Variants in NTN1 observed in about 807,000 individuals in gnomAD.
NTN1 encodes the protein netrin 1, also known as netrin-1.
NTN1 carries 11 observed loss-of-function variants against 54.2 expected under a neutral mutation model. That is an observed-to-expected ratio of 0.20 (90% confidence interval 0.13 to 0.34). The LOEUF (loss-of-function observed/expected upper bound fraction) is 0.34. NTN1 is among the 10% of genes least tolerant of loss of function. NTN1 has a pLI of 1.00. For missense variants in NTN1, 740 were observed against 893.1 expected, an observed-to-expected ratio of 0.83 and a Z score of 2.18; for synonymous variants, 371 against 382.0, an observed-to-expected ratio of 0.97 and a Z score of 0.33.
chr17:9,175,921 G>T (rs2092398885), intron 3 of NTN1: 1 of 152,182 alleles, frequency 6.6e-6, no homozygotes, highest in Non-Finnish European at 1.5e-5. Context: ...CTTGCACACG[G>T]GGTGACCTGC....
chr17:9,155,878 C>T (rs996039694), intron 2 of NTN1, among the ~76,000 whole-genome samples: 1 of 152,142 alleles, frequency 6.6e-6, no homozygotes, highest in Admixed American at 6.5e-5. Flanking sequence ...ACAGCCCCTC[C>T]CTCCCCAGTC....
At position 9,215,460 on chromosome 17, in the gene NTN1, T is replaced by C. The variant is rs141977909; in HGVS notation, c.1412-5708T>C. Among the ~76,000 whole-genome samples the C allele has an allele frequency of 7.7e-3, 1,171 of 152,370 alleles. 11 individuals are homozygous for C. Among genetic ancestry groups the C allele is most frequent in the Middle Eastern group, 0.017 (5 of 294 alleles). ...CAGAGATATCAATCACATCACCTTG[T>C]GTTTATGCCATCACTTTCCCCTGTA... is the stretch of plus-strand genomic sequence containing the variant. On this transcript the variant is annotated intron_variant, in intron 5 of 6. Transcript: ENST00000173229.
chr17:9,060,098 C>T (rs1468113656), intron 2 of NTN1, among the ~76,000 whole-genome samples: 1 of 151,978 alleles, frequency 6.6e-6, no homozygotes, highest in Middle Eastern at 3.2e-3. Flanking sequence ...TACAGTTGGC[C>T]CTCGAACAAC....
intron 2 of NTN1, among the ~76,000 whole-genome samples, chr17:9,061,765 G>A (rs558215767): frequency 5.3e-5 from 8 of 152,170 alleles, no homozygotes; most frequent in African/African-American, 1.9e-4. Flanking sequence ...GTCCAGTGGC[G>A]TGGTCTTGGC....
chr17:9,148,209 A>G (rs946945404), intron 2 of NTN1, among the ~76,000 whole-genome samples: 3 of 152,162 alleles, frequency 2.0e-5, no homozygotes, highest in African/African-American at 7.2e-5. Flanking sequence ...CCTTCTCACA[A>G]ATCTCCACGT....
chr17:9,048,384 T>C (rs1467860816), intron 2 of NTN1, among the ~76,000 whole-genome samples: 1 of 152,102 alleles, frequency 6.6e-6, no homozygotes, highest in East Asian at 1.9e-4. Flanking sequence ...CACCATGCTG[T>C]AAACAGATTT....
At chr17:9,220,491 G>T (rs1259500773) in intron 5 of NTN1, among the ~76,000 whole-genome samples, 1 of 152,102 alleles carries the variant, frequency 6.6e-6, no homozygotes, top group Non-Finnish European at 1.5e-5. Context: ...AGGCCCAAGG[G>T]CTGGCAGGCC....
chr17:9,183,000 G>T (rs751887377), intron 5 of NTN1, 31 bp downstream of exon 5: 1 of 1,610,802 alleles, frequency 6.2e-7, no homozygotes, highest in Non-Finnish European at 8.5e-7. Flanking sequence ...CTCATTTCCC[G>T]CTTTTGCTGG....
At chr17:9,138,063 G>A (rs938884889) in intron 2 of NTN1, among the ~76,000 whole-genome samples, 9 of 152,230 alleles carry the variant, frequency 5.9e-5, no homozygotes, top group Non-Finnish European at 1.0e-4. Context: ...TGAGGTGAGA[G>A]CGGGCCTCTG....
At chr17:9,028,528 T>G (rs895191183) in intron 2 of NTN1, among the ~76,000 whole-genome samples, 3 of 152,160 alleles carry the variant, frequency 2.0e-5, no homozygotes, top group Admixed American at 2.0e-4. Flanking sequence ...CCCAGTTTTC[T>G]CTCTGACCTC....
At chr17:9,183,556 A>G in intron 5 of NTN1, 1 of 324,938 alleles carries the variant, frequency 3.1e-6, no homozygotes, top group South Asian at 2.6e-5. Context: ...TAGCTGGTGC[A>G]GATATCATAA....
intron 2 of NTN1, among the ~76,000 whole-genome samples, chr17:9,097,664 A>G (rs1053870043): frequency 5.3e-5 from 8 of 152,072 alleles, no homozygotes; most frequent in East Asian, 1.9e-4. Flanking sequence ...CAAACAGACA[A>G]ACAACAAAAA....
intron 2 of NTN1, among the ~76,000 whole-genome samples, chr17:9,026,349 A>G (rs1333252005): frequency 2.0e-5 from 3 of 151,066 alleles, no homozygotes; most frequent in Non-Finnish European, 4.4e-5. Flanking sequence ...GTGAACGTTC[A>G]TAAAGCCCAG....
At chr17:9,096,366 C>CTTTTTT (rs1555567412) in intron 2 of NTN1, among the ~76,000 whole-genome samples, 8 of 91,544 alleles carry the variant, frequency 8.7e-5, no homozygotes, top group South Asian at 4.2e-4. Flanking sequence ...TATGGGTAGA[C>CTTTTTT]TTTTTTTTTT....
intron 5 of NTN1, among the ~76,000 whole-genome samples, chr17:9,190,401 G>C (rs1422040713): frequency 6.6e-6 from 1 of 152,152 alleles, no homozygotes; most frequent in Admixed American, 6.5e-5. Flanking sequence ...AATTCAGCCA[G>C]AAAAATAAAT....
chr17:9,237,526 C>T (rs937517763), intron 6 of NTN1, among the ~76,000 whole-genome samples: 2 of 152,184 alleles, frequency 1.3e-5, no homozygotes, highest in East Asian at 1.9e-4. Context: ...AACAGATGCT[C>T]GGAGCCTGGG....
At chr17:9,186,952 G>T (rs2092435276) in intron 5 of NTN1, among the ~76,000 whole-genome samples, 2 of 152,084 alleles carry the variant, frequency 1.3e-5, no homozygotes, top group Admixed American at 1.3e-4. Flanking sequence ...GGAGAAAAGG[G>T]CACTAAAATG....
chr17:9,189,076 A>G (rs1904380484), intron 5 of NTN1, among the ~76,000 whole-genome samples: 1 of 152,256 alleles, frequency 6.6e-6, no homozygotes, highest in African/African-American at 2.4e-5. Context: ...ATTCTGGCTC[A>G]GGGAAGGAGG....
At chr17:9,027,242 A>C (rs1459560492) in intron 2 of NTN1, among the ~76,000 whole-genome samples, 1 of 152,172 alleles carries the variant, frequency 6.6e-6, no homozygotes, top group Non-Finnish European at 1.5e-5. Flanking sequence ...TAGTCATAAT[A>C]ATTATTATGA....
Sources: allele counts gnomAD v4.1 joint callset (sites outside exome capture counted in the v4.1 genomes callset), GRCh38; gene constraint gnomAD v4.1.1; transcripts MANE v1.5; gene names NCBI Gene and HGNC (gene_info 2026-07-23, HGNC 2026-07-21).